Variants in STK3 observed in about 807,000 individuals in gnomAD.
The protein encoded by STK3 is serine/threonine kinase 3, also known as serine/threonine-protein kinase 3.
A neutral mutation model predicts 58.0 loss-of-function variants in STK3; 41 were observed. That is an observed-to-expected ratio of 0.71 (90% CI 0.55 to 0.92). The LOEUF (loss-of-function observed/expected upper bound fraction) is 0.92, where lower values mean the gene tolerates loss of function less well. Among genes scored for constraint, STK3 ranks in the 40% least tolerant of loss-of-function variants. STK3 has a pLI of 0.00. For missense variants in STK3, 479 were observed against 602.7 expected (o/e 0.79, Z 2.15); for synonymous variants, 170 against 191.0 (o/e 0.89, Z 0.91).
rs182311906 is a variant in STK3 at position 98,808,983 on chromosome 8, C to A, written c.26+16532G>T. On this transcript the variant is annotated intron_variant, in intron 1 of 10. Coordinates refer to ENST00000419617, the MANE Select transcript of STK3 (RefSeq NM_006281.4). ...ATGACCAATAATTTAATCAATCATG[C>A]CTACAGGGTGAAGCCTCCATAAAAA... is the stretch of plus-strand genomic sequence containing the variant. 3.5e-3 allele frequency among the ~76,000 whole-genome samples: 527 copies of A among 152,214 alleles called. 1 individual carries two copies. Among genetic ancestry groups the A allele is most frequent in the Non-Finnish European group, 4.4e-3 (302 of 68,014 alleles).
chr8:98,922,839 C>T (rs1839619364), intron 1 of STK3, among the ~76,000 whole-genome samples: 1 of 152,198 alleles, frequency 6.6e-6, no homozygotes, highest in African/African-American at 2.4e-5. Context: ...TGCTTATTTT[C>T]TTAATGCACA....
intron 10 of STK3, among the ~76,000 whole-genome samples, chr8:98,475,361 A>T (rs1821228440): frequency 6.6e-6 from 1 of 152,226 alleles, no homozygotes; most frequent in South Asian, 2.1e-4. Context: ...ATCCATTGTT[A>T]TACAAGAGGC....
At chr8:98,739,543 T>A (rs1828986823) in intron 4 of STK3, among the ~76,000 whole-genome samples, 1 of 148,692 alleles carries the variant, frequency 6.7e-6, no homozygotes, top group African/African-American at 2.5e-5. Flanking sequence ...TCCTGTCTGT[T>A]AGAAGGAAAA....
intron 10 of STK3, among the ~76,000 whole-genome samples, chr8:98,458,035 G>T (rs778711590): frequency 1.3e-5 from 2 of 152,124 alleles, no homozygotes; most frequent in African/African-American, 2.4e-5. Flanking sequence ...AGGTGTTCAT[G>T]TAAGTAAATT....
At chr8:98,819,158 G>A (rs1168722539) in intron 1 of STK3, among the ~76,000 whole-genome samples, 2 of 152,058 alleles carry the variant, frequency 1.3e-5, no homozygotes, top group East Asian at 3.9e-4. Context: ...TTGCTCTGTT[G>A]CCCAGGATGG....
chr8:98,675,886 G>A lies in STK3; in HGVS notation c.684+30581C>T, dbSNP rs1434342845. On this transcript the variant is annotated intron_variant, in intron 6 of 10. Transcript: ENST00000419617. ...CTCAAAAAAGAAAAAAAAAAGCAGG[G>A]ACTCAAACAGAATATTTGTGTGTCC... Among the ~76,000 whole-genome samples, 3 of 152,064 alleles carry A rather than the reference G, an allele frequency of 2.0e-5. No individual in the cohort carries two copies. The East Asian group carries it at 5.8e-4, about 29-fold the overall frequency.
intron 10 of STK3, among the ~76,000 whole-genome samples, chr8:98,520,247 T>C (rs1358890060): frequency 6.6e-6 from 1 of 152,132 alleles, no homozygotes; most frequent in African/African-American, 2.4e-5. Flanking sequence ...TAAAAATAAT[T>C]CAATTAGCCC....
intron 1 of STK3, among the ~76,000 whole-genome samples, chr8:98,798,336 T>C (rs1449306196): frequency 6.6e-6 from 1 of 152,216 alleles, no homozygotes; most frequent in Non-Finnish European, 1.5e-5. Context: ...CAATTTTCTA[T>C]TTTCCTGACT....
intron 3 of STK3, among the ~76,000 whole-genome samples, chr8:98,861,993 G>A (rs1836955209): frequency 6.6e-6 from 1 of 152,192 alleles, no homozygotes; most frequent in African/African-American, 2.4e-5. Flanking sequence ...GTGCCTGCCA[G>A]ATTCAGTAAA....
rs574367901 is a variant in STK3 at position 98,812,882 on chromosome 8, G to A, written c.26+12633C>T. On this transcript the variant is annotated intron_variant, in intron 1 of 10. Coordinates refer to ENST00000419617, the MANE Select transcript of STK3 (RefSeq NM_006281.4). Reference sequence around the variant, plus strand: ...TGGGGAACATCACACACCAGGGCCTGTTGTAGGGTGGGGGGAGTGAGGAGG... The same window carrying A: ...TGGGGAACATCACACACCAGGGCCTATTGTAGGGTGGGGGGAGTGAGGAGG... Among the ~76,000 whole-genome samples the A allele has an allele frequency of 3.0e-4, 45 of 152,274 alleles. No homozygotes were observed. The South Asian group carries it at 9.3e-3, about 32-fold the overall frequency.
At chr8:98,525,664 C>A (rs937953039) in intron 10 of STK3, among the ~76,000 whole-genome samples, 1 of 151,914 alleles carries the variant, frequency 6.6e-6, no homozygotes, top group African/African-American at 2.4e-5. Context: ...GTAGACATTG[C>A]AATGATGTTT....
intron 10 of STK3, among the ~76,000 whole-genome samples, chr8:98,466,912 A>C (rs1032555680): frequency 1.3e-5 from 2 of 152,064 alleles, no homozygotes; most frequent in African/African-American, 4.8e-5. Flanking sequence ...GACTAGTGGG[A>C]CCCAAGGAAG....
chr8:98,753,598 T>G (rs1415398528), intron 3 of STK3, among the ~76,000 whole-genome samples: 1 of 151,574 alleles, frequency 6.6e-6, no homozygotes, highest in Non-Finnish European at 1.5e-5. Flanking sequence ...GTAACAAACC[T>G]GCACATGTAC....
intron 9 of STK3, among the ~76,000 whole-genome samples, chr8:98,532,648 G>T (rs1353420450): frequency 6.6e-6 from 1 of 152,080 alleles, no homozygotes; most frequent in Admixed American, 6.6e-5. Flanking sequence ...GCACAAAAAA[G>T]CAAATTGCAA....
chr8:98,715,164 A>T (rs915025572), intron 4 of STK3, among the ~76,000 whole-genome samples: 1 of 152,232 alleles, frequency 6.6e-6, no homozygotes, highest in African/African-American at 2.4e-5. Flanking sequence ...TGTTAGACCT[A>T]AAACCAGAAA....
At chr8:98,589,493 C>G (rs1429407871) in intron 7 of STK3, among the ~76,000 whole-genome samples, 1 of 152,236 alleles carries the variant, frequency 6.6e-6, no homozygotes, top group Non-Finnish European at 1.5e-5. Context: ...AACCACTGCT[C>G]TCTTCAAAGC....
At chr8:98,706,712 A>G in intron 5 of STK3, 78 bp from the exon 6 acceptor site, 1 of 1,400,016 alleles carries the variant, frequency 7.1e-7, no homozygotes, top group South Asian at 1.7e-5. Flanking sequence ...ACTTTTAAAA[A>G]ATGTTAAAAC....
chr8:98,486,783 C>T (rs1822298197), intron 10 of STK3, among the ~76,000 whole-genome samples: 1 of 152,030 alleles, frequency 6.6e-6, no homozygotes, highest in Admixed American at 6.6e-5. Flanking sequence ...ATTAAGGCAG[C>T]AAAACTCAAA....
chr8:98,697,549 T>C (rs1176235215), intron 6 of STK3, among the ~76,000 whole-genome samples: 1 of 152,236 alleles, frequency 6.6e-6, no homozygotes, highest in Non-Finnish European at 1.5e-5. Flanking sequence ...GAGATTCTTG[T>C]ATATTGTGTC....
Sources: allele counts gnomAD v4.1 joint callset (sites outside exome capture counted in the v4.1 genomes callset), GRCh38; gene constraint gnomAD v4.1.1; transcripts MANE v1.5; gene names NCBI Gene and HGNC (gene_info 2026-07-23, HGNC 2026-07-21).